The following VEGFA variants were observed in gnomAD, a reference collection of about 807,000 sequenced individuals.
VEGFA encodes the protein vascular endothelial growth factor A.
Under a neutral mutation model 49.7 loss-of-function variants are expected in VEGFA, and 20 were observed. The ratio of observed to expected loss-of-function variants is 0.40; its 90% CI spans 0.28 to 0.58. The LOEUF (loss-of-function observed/expected upper bound fraction) is 0.58, where lower values mean the gene tolerates loss of function less well. VEGFA is among the 20% of genes least tolerant of loss of function. The probability of loss-of-function intolerance (pLI) is 0.40; values close to 1 mark genes in which losing one functional copy is unlikely to be tolerated. For synonymous variants in VEGFA, 219 were observed against 223.4 expected, an observed-to-expected ratio of 0.98 and a Z score of 0.18; for missense variants, 505 against 553.5, an observed-to-expected ratio of 0.91 and a Z score of 0.88.
rs3025038 is a variant in VEGFA at position 43,784,346 on chromosome 6, C to T, written c.1167-195C>T. On this transcript the variant is annotated intron_variant, in intron 7 of 7. Transcript: ENST00000672860. ...TGGAGCTGCTGCTCAGGCCGGGGCT[C>T]CCTGAGGGCAGGGCTGGGGCTGTTC... is the stretch of plus-strand genomic sequence containing the variant. 34 of 655,308 alleles carry T rather than the reference C, an allele frequency of 5.2e-5. No homozygotes were observed. The African/African-American group carries it at 5.8e-4, about 11-fold the overall frequency. 40.6% of individuals were successfully genotyped at this position (655,308 alleles called of 1,614,324 possible). A position where few individuals can be genotyped will look rare whatever the true frequency, so the allele number is the denominator to read the frequency against.
chr6:43,780,583 A>G, intron 5 of VEGFA, 149 bp from the exon 6 acceptor site: 1 of 1,178,770 alleles, frequency 8.5e-7, no homozygotes, highest in Non-Finnish European at 1.2e-6. Context: ...ATGCCTCCCC[A>G]GAGACCACCT....
rs1763326430 is a variant in VEGFA, at chr6:43,770,915, G to A, written c.209G>A (p.Arg70His). The A allele has an allele frequency of 6.5e-7, 1 of 1,544,588 alleles. No homozygotes were observed. The change falls in exon 1 of 8, where the codon CGC (arginine) becomes CAC (histidine). Residue 70 changes from arginine to histidine, a missense_variant. Arg to His is a conservative substitution (Grantham distance 29). Transcript: ENST00000672860. ...TCTCGCTTCGGAGGAGCCGTGGTCC[G>A]CGCGGGGGAAGCCGAGCCGAGCGGA...
Position 43,785,277 on chromosome 6 carries a change from A to C in VEGFA, c.*715A>C, listed in dbSNP as rs1240099342. On this transcript the variant is annotated 3_prime_UTR_variant, in exon 8 of 8. Transcript: ENST00000672860. ...AGCCTCTCTACCCCAGGTCAGACGG[A>C]CAGAAAGACAGATCACAGGTACAGG... The C allele has an allele frequency of 4.9e-6, 1 of 205,140 alleles. No individual in the cohort carries two copies. Among genetic ancestry groups the C allele is most frequent in the Non-Finnish European group, 1.0e-5 (1 of 99,894 alleles). The allele number at this position is 205,140 out of a possible 1,614,324, so 12.7% of individuals were successfully genotyped here.
rs1769262421 is a variant in VEGFA, at chr6:43,785,286, CAG to C, written c.*726_*727del. On this transcript the variant is annotated 3_prime_UTR_variant, in exon 8 of 8. Coordinates refer to ENST00000672860, the MANE Select transcript of VEGFA (RefSeq NM_003376.6). ...ACCCCAGGTCAGACGGACAGAAAGA[CAG>C]ATCACAGGTACAGGGATGAGGACAC... 1 of 206,900 alleles carries C rather than the reference CAG, an allele frequency of 4.8e-6. No individual in the cohort carries two copies. The highest frequency in any genetic ancestry group is 5.9e-5 in the Admixed American group (1 of 16,820). 12.8% of individuals were successfully genotyped at this position (206,900 alleles called of 1,614,324 possible). A position where few individuals can be genotyped will look rare whatever the true frequency, so the allele number is the denominator to read the frequency against.
In VEGFA at chr6:43,780,806, A is replaced by G; in HGVS notation, c.1034+3A>G. 1.2e-6 allele frequency: 2 copies of G among 1,613,932 alleles called. No individual in the cohort carries two copies. The highest frequency in any genetic ancestry group is 1.7e-6 in the Non-Finnish European group (2 of 1,180,012). ...TCCCGGTATAAGTCCTGGAGCGTGTACGTTGGTGCCCGCTGCTGTCTAATG... is the reference window on the plus strand; with the variant it reads ...TCCCGGTATAAGTCCTGGAGCGTGTGCGTTGGTGCCCGCTGCTGTCTAATG... On this transcript the variant is annotated splice_donor_region_variant and intron_variant, in intron 6 of 7. Coordinates refer to ENST00000672860, the MANE Select transcript of VEGFA (RefSeq NM_003376.6).
rs3025053 is a variant in VEGFA at position 43,785,588 on chromosome 6, G to A, written c.*1026G>A. ...TCCTCTTCCTGCTCCCCTTCCTGGG[G>A]TGCAGCCTAAAAGGACCTATGTCCT... is the stretch of plus-strand genomic sequence containing the variant. On this transcript the variant is annotated 3_prime_UTR_variant, in exon 8 of 8. Transcript: ENST00000672860. 18,320 of 206,052 alleles carry A rather than the reference G, an allele frequency of 0.089. 1,025 individuals are homozygous for A. The highest frequency in any genetic ancestry group is 0.14 in the South Asian group (739 of 5,316). The allele number at this position is 206,052 out of a possible 1,614,324, so 12.8% of individuals were successfully genotyped here.
At chr6:43,779,711 A>G (rs758272583) in intron 5 of VEGFA, 10 of 469,858 alleles carry the variant, frequency 2.1e-5, no homozygotes, top group African/African-American at 2.0e-4. Flanking sequence ...TTCCAGAGCG[A>G]GGGGATGCGG....
At chr6:43,772,014 G>A in intron 1 of VEGFA, 2 of 985,294 alleles carry the variant, frequency 2.0e-6, no homozygotes, top group African/African-American at 1.7e-5. Context: ...GCGTGTTCCC[G>A]GAGCCTCGGC....
intron 6 of VEGFA, chr6:43,781,551 T>TGG: frequency 3.0e-6 from 1 of 336,058 alleles, no homozygotes; most frequent in South Asian, 2.4e-5. Context: ...TGGAAGGGCC[T>TGG]GGACATGAGC....
intron 5 of VEGFA, 177 bp from the exon 6 acceptor site, chr6:43,780,555 G>A (rs1397078729): frequency 1.1e-5 from 9 of 804,138 alleles, no homozygotes; most frequent in Non-Finnish European, 1.8e-5. Flanking sequence ...GCCCAGACAC[G>A]CCTGTGTGCG....
intron 5 of VEGFA, 159 bp downstream of exon 5, chr6:43,779,077 C>T (rs1766436174): frequency 1.1e-6 from 1 of 906,032 alleles, no homozygotes; most frequent in Non-Finnish European, 1.8e-6. Context: ...ATGGAGCCAA[C>T]TCCAGGATGA....
intron 1 of VEGFA, chr6:43,774,061 G>T (rs1443296743): frequency 1.8e-6 from 1 of 548,288 alleles, no homozygotes; most frequent in Admixed American, 3.1e-5. Flanking sequence ...CCTCGACAGT[G>T]AAGCATTCTG....
intron 1 of VEGFA, 95 bp downstream of exon 1, chr6:43,771,407 C>T: frequency 7.7e-7 from 1 of 1,296,222 alleles, no homozygotes; most frequent in South Asian, 1.5e-5. Context: ...GGCTCCGTGC[C>T]CCACGCGGGT....
At chr6:43,771,432 C>A (rs1763511967) in intron 1 of VEGFA, 120 bp downstream of exon 1, 2 of 1,028,250 alleles carry the variant, frequency 1.9e-6, no homozygotes, top group Non-Finnish European at 2.7e-6. Flanking sequence ...GGGCACCAGG[C>A]GTGCGGCGTC....
chr6:43,778,691 T>TA (rs1015914170), intron 4 of VEGFA, 155 bp downstream of exon 4: 6 of 1,012,040 alleles, frequency 5.9e-6, no homozygotes, highest in African/African-American at 1.6e-5. Flanking sequence ...TCTACATCTG[T>TA]AAAATGGGCA....
chr6:43,780,695 C>A, intron 5 of VEGFA, 37 bp from the exon 6 acceptor site: 2 of 1,607,794 alleles, frequency 1.2e-6, no homozygotes, highest in South Asian at 1.1e-5. Context: ...CCCCACCGCC[C>A]CCGCTCTCTC....
At chr6:43,771,866 C>G in intron 1 of VEGFA, 1 of 204,554 alleles carries the variant, frequency 4.9e-6, no homozygotes, top group Non-Finnish European at 8.6e-6. Context: ...CTGCGGGGAC[C>G]CCCCCTCCCT....
intron 5 of VEGFA, chr6:43,779,859 C>G: frequency 2.6e-6 from 1 of 382,102 alleles, no homozygotes; most frequent in Middle Eastern, 3.7e-4. Flanking sequence ...ATGGAGAGCT[C>G]TGGTTCTCTT....
chr6:43,774,278 T>C lies in VEGFA; in HGVS notation c.607-63T>C, dbSNP rs891528926. On this transcript the variant is annotated intron_variant, in intron 1 of 7. Transcript: ENST00000672860. The stretch of plus-strand genomic sequence containing the variant: ...AAGTGAGGAGGGAGGAGGGGCTGGG[T>C]GGCTGGGCCTGTGCACCCCAGCCCC... 4 of 1,550,400 alleles carry C rather than the reference T, an allele frequency of 2.6e-6. No homozygotes were observed. In the Admixed American group the frequency reaches 6.7e-5, roughly 26 times the overall value.
Sources: allele counts gnomAD v4.1 joint callset, GRCh38; gene constraint gnomAD v4.1.1; transcripts MANE v1.5; gene names NCBI Gene and HGNC (gene_info 2026-07-23, HGNC 2026-07-21).